KLHDC4: variants seen among roughly 807,000 people sequenced by gnomAD.
KLHDC4 encodes kelch domain-containing protein 4.
A neutral mutation model predicts 62.4 loss-of-function variants in KLHDC4; 90 were observed. The ratio of observed to expected loss-of-function variants is 1.44; its 90% CI spans 1.22 to 1.72. The LOEUF is 1.72. Among genes scored for constraint, KLHDC4 ranks in the 40% most tolerant of loss-of-function variants. KLHDC4 has a pLI of 0.00. For missense variants in KLHDC4, 1,025 were observed against 699.7 expected (o/e 1.47, Z -5.25); for synonymous variants, 386 against 284.4 (o/e 1.36, Z -3.59).
At chr16:87,747,052 C>T (rs1038807002) in intron 5 of KLHDC4, among the ~76,000 whole-genome samples, 1 of 152,184 alleles carries the variant, frequency 6.6e-6, no homozygotes. Context: ...CCAAAGTGAC[C>T]AGGTACCCAC....
At chr16:87,728,706 C>T (rs924781596) in intron 6 of KLHDC4, among the ~76,000 whole-genome samples, 3 of 152,056 alleles carry the variant, frequency 2.0e-5, no homozygotes, top group African/African-American at 4.8e-5. Flanking sequence ...TAAGGCTAGG[C>T]GCGGGGGCTC....
At chr16:87,704,831 C>T (rs913031428), downstream of KLHDC4, among the ~76,000 whole-genome samples, 3 of 152,194 alleles carry the variant, frequency 2.0e-5, no homozygotes, top group African/African-American at 7.2e-5. Flanking sequence ...ATGTTCATTC[C>T]ACCCAACACC....
At position 87,720,260 on chromosome 16, in the gene KLHDC4, G is replaced by A. The variant is rs538172831; in HGVS notation, c.760-5687C>T. ...AAGACGGCCAGACGACTGGTCCTGG[G>A]AGAAGACAGTGCTAACGGCAGCACT... On this transcript the variant is annotated intron_variant, in intron 7 of 11. Coordinates refer to ENST00000270583, the MANE Select transcript of KLHDC4 (RefSeq NM_017566.4). Among the ~76,000 whole-genome samples the A allele has an allele frequency of 1.2e-4, 18 of 152,256 alleles. 1 individual carries two copies. The South Asian group carries it at 3.5e-3, about 30-fold the overall frequency.
At chr16:87,754,031 T>C (rs1597365932) in intron 4 of KLHDC4, among the ~76,000 whole-genome samples, 1 of 150,020 alleles carries the variant, frequency 6.7e-6, no homozygotes, top group East Asian at 2.0e-4. Flanking sequence ...TCCCAGCTAC[T>C]GGGGAGGCTG....
intron 7 of KLHDC4, among the ~76,000 whole-genome samples, chr16:87,722,405 G>A (rs2038563607): frequency 6.6e-6 from 1 of 152,178 alleles, no homozygotes; most frequent in African/African-American, 2.4e-5. Context: ...TCTACAGGCA[G>A]GTCCAGCCCC....
chr16:87,711,954 C>G (rs2035958243), intron 8 of KLHDC4, among the ~76,000 whole-genome samples: 1 of 151,178 alleles, frequency 6.6e-6, no homozygotes. Context: ...GGACCCTCCG[C>G]CCTGCAAGGG....
At chr16:87,740,546 C>G (rs2042085004) in intron 5 of KLHDC4, 1 of 152,232 alleles carries the variant, frequency 6.6e-6, no homozygotes, top group Non-Finnish European at 1.5e-5. Context: ...GAGCTGCCTG[C>G]ACCCCCAGCT....
chr16:87,758,768 G>A (rs897996032), intron 2 of KLHDC4, among the ~76,000 whole-genome samples: 74 of 152,222 alleles, frequency 4.9e-4, no homozygotes, highest in African/African-American at 1.8e-3. Context: ...GTTAGACAAG[G>A]TTGGTCTAGA....
At chr16:87,731,208 C>G (rs867839198) in intron 5 of KLHDC4, among the ~76,000 whole-genome samples, 1 of 151,620 alleles carries the variant, frequency 6.6e-6, no homozygotes, top group Non-Finnish European at 1.5e-5. Flanking sequence ...GAATTACAAG[C>G]GTGCACCACC....
At chr16:87,754,541 T>A (rs536797065) in intron 4 of KLHDC4, among the ~76,000 whole-genome samples, 1 of 152,350 alleles carries the variant, frequency 6.6e-6, no homozygotes, top group East Asian at 1.9e-4. Context: ...CAGGAATGCA[T>A]GTATCATGCT....
intron 3 of KLHDC4, 138 bp downstream of exon 3, chr16:87,756,261 C>T (rs1018151512): frequency 2.3e-5 from 15 of 642,456 alleles, no homozygotes; most frequent in Non-Finnish European, 4.2e-5. Flanking sequence ...CGACGTCTCA[C>T]ATCAGGCCTG....
intron 5 of KLHDC4, among the ~76,000 whole-genome samples, chr16:87,735,767 G>C (rs940209176): frequency 6.6e-6 from 1 of 152,192 alleles, no homozygotes; most frequent in African/African-American, 2.4e-5. Flanking sequence ...AGAGGCCTAT[G>C]GACAGCACAA....
At chr16:87,755,322 A>G (rs2044701522) in intron 3 of KLHDC4, 30 bp from the exon 4 acceptor site, 1 of 1,132,436 alleles carries the variant, frequency 8.8e-7, no homozygotes, top group African/African-American at 1.5e-5. Flanking sequence ...TGTCAGTGTC[A>G]CAAATGATAC....
At position 87,714,594 on chromosome 16, in the gene KLHDC4, G is replaced by T. The variant is rs189391226; in HGVS notation, c.760-21C>A. 4.4e-4 allele frequency: 711 copies of T among 1,613,726 alleles called. 2 individuals are homozygous for T. The highest frequency in any genetic ancestry group is 3.7e-4 in the Non-Finnish European group (436 of 1,179,618). On this transcript the variant is annotated intron_variant, in intron 7 of 11. Transcript: ENST00000270583. Reference sequence around the variant, plus strand: ...ACTCTCTGCAATGGAAAGGAATTGTGTGAGAACCGGGGGCAGCTACAGTGG... The same window carrying T: ...ACTCTCTGCAATGGAAAGGAATTGTTTGAGAACCGGGGGCAGCTACAGTGG...
intron 7 of KLHDC4, among the ~76,000 whole-genome samples, chr16:87,722,059 C>CTA (rs989861322): frequency 6.6e-6 from 1 of 152,190 alleles, no homozygotes; most frequent in Non-Finnish European, 1.5e-5. Context: ...GAAGCACATA[C>CTA]TAAGGACTGA....
downstream of KLHDC4, among the ~76,000 whole-genome samples, chr16:87,705,103 G>C (rs553649434): frequency 2.0e-5 from 3 of 152,300 alleles, no homozygotes; most frequent in Non-Finnish European, 4.4e-5. Context: ...CGAGGGAAAG[G>C]CTTCCTAACA....
At chr16:87,711,135 G>T in intron 9 of KLHDC4, 100 bp downstream of exon 9, 1 of 1,224,330 alleles carries the variant, frequency 8.2e-7, no homozygotes, top group East Asian at 2.3e-5. Context: ...CATGGGCTTT[G>T]GGGGCCCCAA....
intron 5 of KLHDC4, among the ~76,000 whole-genome samples, chr16:87,742,162 A>T (rs2042334085): frequency 6.6e-6 from 1 of 152,152 alleles, no homozygotes; most frequent in African/African-American, 2.4e-5. Context: ...ATAGTGTGTG[A>T]ACCCCCAAGC....
At chr16:87,707,651 G>T (rs535272626), downstream of KLHDC4, among the ~76,000 whole-genome samples, 72 of 152,282 alleles carry the variant, frequency 4.7e-4, no homozygotes, top group African/African-American at 1.3e-3. Context: ...ATATTCCGGG[G>T]TTTCGGGCAC....
Sources: gnomAD v4.1 joint callset for allele counts (sites outside exome capture counted in the v4.1 genomes callset) on GRCh38, gnomAD v4.1.1 for gene constraint, MANE v1.5 for transcripts, NCBI Gene and HGNC (gene_info 2026-07-23, HGNC 2026-07-21) for gene names.